IST1: variants seen among roughly 807,000 people sequenced by gnomAD.
The protein encoded by IST1 is IST1 factor associated with ESCRT-III, also known as IST1 homolog.
In IST1, 23 loss-of-function variants were observed where a neutral mutation model predicts 37.0. The ratio of observed to expected loss-of-function variants is 0.62; its 90% confidence interval spans 0.45 to 0.88. The LOEUF is 0.88. IST1 is among the 40% of genes least tolerant of loss of function. The probability of loss-of-function intolerance (pLI) is 0.00; values close to 1 mark genes in which losing one functional copy is unlikely to be tolerated. For missense variants in IST1, 488 were observed against 445.4 expected, an observed-to-expected ratio of 1.10 and a Z score of -0.86; for synonymous variants, 180 against 161.7, an observed-to-expected ratio of 1.11 and a Z score of -0.86.
chr16:71,910,996 T>C (rs1266383976), intron 1 of IST1, among the ~76,000 whole-genome samples: 4 of 151,988 alleles, frequency 2.6e-5, no homozygotes, highest in Non-Finnish European at 5.9e-5. Context: ...AAAAAAAACA[T>C]TGGGAGGCTG....
intron 7 of IST1, 118 bp downstream of exon 7, chr16:71,922,798 G>A (rs1292972842): frequency 1.3e-6 from 1 of 792,564 alleles, no homozygotes. Flanking sequence ...AGAACATTTG[G>A]TATTAGCTGG....
In IST1 at chr16:71,916,532, G is replaced by C; in HGVS notation, c.159G>C (p.Arg53=). 1 of 1,613,836 alleles carries C rather than the reference G, an allele frequency of 6.2e-7. No homozygotes were observed. Among genetic ancestry groups the C allele is most frequent in the Non-Finnish European group, 8.5e-7 (1 of 1,179,856 alleles). ...CTGCTGGGAAAGATGAACGAGCTCG[G>C]ATCCGTGTGGAGCACATTATCCGGG... The part of the protein sequence containing the change: ...YLAAGKDERA[R]IRVEHIIRED... Residue 53 remains arginine, a synonymous_variant, in exon 3 of 10, where the codon CGG becomes CGC. Coordinates refer to ENST00000378799, the MANE Select transcript of IST1 (RefSeq NM_001270975.2).
chr16:71,905,968 C>G (rs973105556), intron 1 of IST1, among the ~76,000 whole-genome samples: 6 of 150,158 alleles, frequency 4.0e-5, no homozygotes, highest in African/African-American at 1.5e-4. Context: ...CTGGTTAACA[C>G]TTCCTTTCTG....
At position 71,912,736 on chromosome 16, in the gene IST1, C is replaced by T. The variant is rs568309471; in HGVS notation, c.-15-2890C>T. On this transcript the variant is annotated intron_variant, in intron 1 of 9. Transcript: ENST00000378799. ...ACTTTCATCTTTCAAAACTGAAACT[C>T]TGTACTCATTAAACAATTCCCTGTT... Among the ~76,000 whole-genome samples, 10 of 152,312 alleles carry T rather than the reference C, an allele frequency of 6.6e-5. No individual in the cohort carries two copies. The South Asian group carries it at 1.9e-3, about 28-fold the overall frequency.
Position 71,919,468 on chromosome 16 carries a change from C to T in IST1, c.358-1271C>T, listed in dbSNP as rs192416865. ...GCACGATCTTGCCTCACTGCAGCCT[C>T]GGCTTCCTGGGCTCAACTGATCATC... On this transcript the variant is annotated intron_variant, in intron 4 of 9. Coordinates refer to ENST00000378799, the MANE Select transcript of IST1 (RefSeq NM_001270975.2). Among the ~76,000 whole-genome samples, 644 of 152,372 alleles carry T rather than the reference C, an allele frequency of 4.2e-3. 2 individuals are homozygous for T. The highest frequency in any genetic ancestry group is 0.01 in the Middle Eastern group (3 of 294).
At chr16:71,924,304 T>C (rs939549989) in intron 8 of IST1, 10 of 404,488 alleles carry the variant, frequency 2.5e-5, no homozygotes, top group African/African-American at 4.2e-5. Flanking sequence ...TTTTCTCTGC[T>C]TGGCAGTTAA....
Position 71,923,317 on chromosome 16 carries a change from T to C in IST1, c.789T>C (p.Thr263=). 1 of 1,612,084 alleles carries C rather than the reference T, an allele frequency of 6.2e-7. No individual in the cohort carries two copies. Among genetic ancestry groups the C allele is most frequent in the South Asian group, 1.1e-5 (1 of 90,964 alleles). The change falls in exon 8 of 10, where the codon ACT becomes ACC. Residue 263 remains threonine, a synonymous_variant. Transcript: ENST00000378799. ...PSDFNGLPMG[T]YQAFPNIHPP... ...ATTTCAATGGACTGCCAATGGGGAC[T>C]TATCAGGCCTTTCCCAATATTCATC... is the stretch of plus-strand genomic sequence containing the variant.
intron 9 of IST1, among the ~76,000 whole-genome samples, chr16:71,926,299 A>G (rs1346532455): frequency 6.6e-6 from 1 of 152,032 alleles, no homozygotes; most frequent in East Asian, 1.9e-4. Flanking sequence ...TATAAATAAT[A>G]TTAGACAGTT....
At chr16:71,918,840 A>C (rs917073708) in intron 4 of IST1, among the ~76,000 whole-genome samples, 1 of 152,216 alleles carries the variant, frequency 6.6e-6, no homozygotes, top group Non-Finnish European at 1.5e-5. Flanking sequence ...GTGTAGTATA[A>C]ACCAGCCAAA....
At chr16:71,900,317 C>T (rs2037077248) in intron 1 of IST1, among the ~76,000 whole-genome samples, 1 of 145,412 alleles carries the variant, frequency 6.9e-6, no homozygotes, top group African/African-American at 2.6e-5. Context: ...AGTTTACTCC[C>T]TTAGGAAGTC....
chr16:71,926,659 TAAGTGTATACACAGAC>T (rs1405558071), intron 9 of IST1, among the ~76,000 whole-genome samples: 2 of 152,178 alleles, frequency 1.3e-5, no homozygotes, highest in Non-Finnish European at 2.9e-5. Flanking sequence ...CCATACATTT[TAAGTGTATACACAGAC>T]AATTCCACTC....
Position 71,914,711 on chromosome 16 carries a change from T to C in IST1, c.-15-915T>C, listed in dbSNP as rs549995492. On this transcript the variant is annotated intron_variant, in intron 1 of 9. Coordinates refer to ENST00000378799, the MANE Select transcript of IST1 (RefSeq NM_001270975.2). ...TTTTTATTAGTGGTTAATTCACTAG[T>C]AGACAAGTACTATTCCTACTGCTCT... Among the ~76,000 whole-genome samples, 4 of 152,322 alleles carry C rather than the reference T, an allele frequency of 2.6e-5. No homozygotes were observed. In the South Asian group the frequency reaches 6.2e-4, roughly 24 times the overall value.
Position 71,922,624 on chromosome 16 carries a change from C to T in IST1, c.703C>T (p.Pro235Ser), listed in dbSNP as rs1244695908. 3 of 1,611,988 alleles carry T rather than the reference C, an allele frequency of 1.9e-6. No homozygotes were observed. The highest frequency in any genetic ancestry group is 2.2e-5 in the South Asian group (2 of 90,368). Residue 235 changes from proline to serine, a missense_variant, in exon 7 of 10, where the codon CCC becomes TCC. Pro to Ser is a moderately conservative substitution (Grantham distance 74, BLOSUM62 -1). Coordinates refer to ENST00000378799, the MANE Select transcript of IST1 (RefSeq NM_001270975.2). ...AACGGTGCCAATGCCCATGCCCATG[C>T]CCATGCCTATGCCATCTGCAAATAC... Reference protein sequence around the residue: ...DGTVPMPMPMPMPMPSANTPF... With the variant: ...DGTVPMPMPMSMPMPSANTPF...
At chr16:71,922,843 A>C in intron 7 of IST1, 163 bp downstream of exon 7, 1 of 637,434 alleles carries the variant, frequency 1.6e-6, no homozygotes, top group Non-Finnish European at 2.7e-6. Flanking sequence ...CATTGGATTC[A>C]GAGAAGGTCT....
rs368981048 is a variant in IST1, at chr16:71,929,940, G to T, written c.*2127G>T. 11 of 1,270,012 alleles carry T rather than the reference G, an allele frequency of 8.7e-6. No homozygotes were observed. The highest frequency in any genetic ancestry group is 5.1e-5 in the East Asian group (2 of 39,368). 78.7% of individuals were successfully genotyped at this position (1,270,012 alleles called of 1,614,324 possible). On this transcript the variant is annotated 3_prime_UTR_variant, in exon 10 of 10. Transcript: ENST00000378799. ...GGCAGAGCTTTTGAAACTAATAAAG[G>T]GAATATGATACTGTGCATTATAAAT... is the stretch of plus-strand genomic sequence containing the variant.
intron 1 of IST1, among the ~76,000 whole-genome samples, chr16:71,908,005 T>C (rs921718794): frequency 6.6e-6 from 1 of 152,150 alleles, no homozygotes; most frequent in East Asian, 1.9e-4. Flanking sequence ...AGTGCAGTGG[T>C]GTGATCTCAG....
Position 71,931,106 on chromosome 16 carries a change from GTTT to G in IST1, c.*3297_*3299del, listed in dbSNP as rs754716273. ...TTGTTTGCTCTATTTGTTTTTTAAT[GTTT>G]TTTACTTTATGTTTACTGTATTTTT... On this transcript the variant is annotated 3_prime_UTR_variant, in exon 10 of 10. Transcript: ENST00000378799. 6.6e-6 allele frequency: 1 copy of G among 152,022 alleles called. No individual in the cohort carries two copies. The highest frequency in any genetic ancestry group is 2.4e-5 in the African/African-American group (1 of 41,386). The allele number at this position is 152,022 out of a possible 1,614,324, so 9.4% of individuals were successfully genotyped here.
chr16:71,927,583 T>C, intron 9 of IST1, 31 bp from the exon 10 acceptor site: 1 of 1,488,036 alleles, frequency 6.7e-7, no homozygotes, highest in Non-Finnish European at 9.4e-7. Flanking sequence ...TTCTCTGGTA[T>C]TTGTAACGTT....
chr16:71,907,012 A>G (rs1417627854), intron 1 of IST1, among the ~76,000 whole-genome samples: 1 of 152,152 alleles, frequency 6.6e-6, no homozygotes, highest in Non-Finnish European at 1.5e-5. Flanking sequence ...CCTGGGTAAC[A>G]GAGTGAGACT....
Sources: gnomAD v4.1 joint callset for allele counts (sites outside exome capture counted in the v4.1 genomes callset) on GRCh38, gnomAD v4.1.1 for gene constraint, MANE v1.5 for transcripts, NCBI Gene and HGNC (gene_info 2026-07-23, HGNC 2026-07-21) for gene names.